The following IPO7 variants were observed in gnomAD, a reference collection of about 807,000 sequenced individuals.
The protein encoded by IPO7 is importin 7, also known as importin-7.
Under a neutral mutation model 136.4 loss-of-function variants are expected in IPO7, and 13 were observed. That is an observed-to-expected ratio of 0.10 (90% CI 0.06 to 0.15). IPO7 has a LOEUF of 0.15. IPO7 is among the 10% of genes least tolerant of loss of function. IPO7 has a pLI of 1.00. For synonymous variants in IPO7, 403 were observed against 404.4 expected (o/e 1.00, Z 0.04); for missense variants, 857 against 1,240.6 (o/e 0.69, Z 4.65).
Position 9,440,561 on chromosome 11 carries a change from A to C in IPO7, c.2802A>C (p.Glu934Asp). 6.2e-7 allele frequency: 1 copy of C among 1,614,044 alleles called. No homozygotes were observed. Among genetic ancestry groups the C allele is most frequent in the Non-Finnish European group, 8.5e-7 (1 of 1,179,914 alleles). The stretch of plus-strand genomic sequence containing the variant: ...ATGGAGATGATGAAGATTGGGAAGA[A>C]GATGATGCTGAAGAGACTGCTCTGG... ...GEDGDDEDWE[E>D]DDAEETALEG... Residue 934 changes from glutamate to aspartate, a missense_variant, in exon 23 of 25, where the codon GAA becomes GAC. Physicochemically the swap from Glu to Asp is conservative, Grantham distance 45. Around this residue, in one of 11 missense-constraint regions of IPO7, gnomAD observed 119 missense variants for 155.5 expected, o/e 0.77. Coordinates refer to ENST00000379719, the MANE Select transcript of IPO7 (RefSeq NM_006391.3).
At chr11:9,404,690 T>C (rs1473490414) in intron 2 of IPO7, among the ~76,000 whole-genome samples, 2 of 149,234 alleles carry the variant, frequency 1.3e-5, no homozygotes, top group African/African-American at 2.5e-5. Context: ...CTCAGCCTCC[T>C]GAGTAGCTGG....
At chr11:9,424,847 G>C in intron 10 of IPO7, 67 bp from the exon 11 acceptor site, 1 of 999,586 alleles carries the variant, frequency 1.0e-6, no homozygotes, top group Non-Finnish European at 1.6e-6. Flanking sequence ...TAAAGATTAA[G>C]CATGTTTTTT....
chr11:9,407,159 G>A (rs1032620350), intron 2 of IPO7, among the ~76,000 whole-genome samples: 3 of 152,240 alleles, frequency 2.0e-5, no homozygotes, highest in African/African-American at 7.2e-5. Context: ...TGGGACTGTT[G>A]TGTGGTCTTA....
At chr11:9,408,703 G>GGT in intron 3 of IPO7, 64 bp downstream of exon 3, 2 of 411,318 alleles carry the variant, frequency 4.9e-6, no homozygotes, top group Non-Finnish European at 7.0e-6. Context: ...TTTGTTTTTT[G>GGT]GTTTTTTTTT....
chr11:9,398,886 G>C (rs1049840073), intron 1 of IPO7, among the ~76,000 whole-genome samples: 10 of 152,168 alleles, frequency 6.6e-5, no homozygotes, highest in African/African-American at 2.4e-4. Flanking sequence ...CTTGTTGAAA[G>C]AACCTAAAGG....
intron 1 of IPO7, 31 bp downstream of exon 1, chr11:9,384,878 G>T: frequency 6.5e-7 from 1 of 1,548,246 alleles, no homozygotes; most frequent in Non-Finnish European, 8.8e-7. Context: ...GTGGCGGCGG[G>T]CAGGCGGGTG....
chr11:9,424,848 C>G (rs1394688623), intron 10 of IPO7, 66 bp from the exon 11 acceptor site: 2 of 1,006,378 alleles, frequency 2.0e-6, no homozygotes, highest in Non-Finnish European at 3.1e-6. Context: ...AAAGATTAAG[C>G]ATGTTTTTTA....
intron 1 of IPO7, among the ~76,000 whole-genome samples, chr11:9,386,367 A>G (rs749122437): frequency 8.5e-5 from 13 of 152,176 alleles, no homozygotes; most frequent in Non-Finnish European, 1.9e-4. Flanking sequence ...CCATTACCAA[A>G]CTATGGAAGG....
At position 9,414,520 on chromosome 11, in the gene IPO7, A is replaced by C. The variant is rs534069607; in HGVS notation, c.636+109A>C. ...TGAATAATAGTTAACTTGAAAATCT[A>C]CATTAAGTGGATGATTTTCTAGCAA... On this transcript the variant is annotated intron_variant, in intron 5 of 24. Coordinates refer to ENST00000379719, the MANE Select transcript of IPO7 (RefSeq NM_006391.3). The C allele has an allele frequency of 1.3e-4, 87 of 672,564 alleles. No homozygotes were observed. The African/African-American group carries it at 1.5e-3, about 12-fold the overall frequency. The allele number at this position is 672,564 out of a possible 1,614,324, so 41.7% of individuals were successfully genotyped here.
intron 20 of IPO7, among the ~76,000 whole-genome samples, chr11:9,436,701 G>A (rs1201001293): frequency 6.8e-6 from 1 of 147,816 alleles, no homozygotes; most frequent in Non-Finnish European, 1.5e-5. Context: ...TGTTTTTTTT[G>A]AGTGAGAGTC....
intron 4 of IPO7, 66 bp downstream of exon 4, chr11:9,410,152 A>T (rs1176163227): frequency 9.3e-7 from 1 of 1,074,974 alleles, no homozygotes; most frequent in Non-Finnish European, 1.3e-6. Flanking sequence ...ATTTAAGCCA[A>T]TTTGAACATG....
chr11:9,415,564 C>CGTGAT (rs1054307726), intron 5 of IPO7, among the ~76,000 whole-genome samples: 14 of 152,032 alleles, frequency 9.2e-5, no homozygotes, highest in African/African-American at 3.4e-4. Flanking sequence ...TGGGGCCGGG[C>CGTGAT]GTGATGGCTC....
chr11:9,444,284 A>T (rs868207745), intron 24 of IPO7, among the ~76,000 whole-genome samples: 3 of 92,888 alleles, frequency 3.2e-5, no homozygotes, highest in East Asian at 4.9e-4. Context: ...TCTCTAAAAA[A>T]AAAAATAAAC....
intron 15 of IPO7, 65 bp downstream of exon 15, chr11:9,429,899 G>A: frequency 1.7e-6 from 2 of 1,204,024 alleles, no homozygotes; most frequent in Non-Finnish European, 2.3e-6. Flanking sequence ...GTTCCAGGTT[G>A]TGTCACCAGT....
At chr11:9,419,560 ATATATATAT>A (rs1161082977) in intron 6 of IPO7, among the ~76,000 whole-genome samples, 5 of 81,752 alleles carry the variant, frequency 6.1e-5, no homozygotes, top group Admixed American at 1.2e-4. Flanking sequence ...AAAAAAAAAA[ATATATATAT>A]ATATATATAT....
intron 16 of IPO7, among the ~76,000 whole-genome samples, chr11:9,431,954 G>A (rs1397711564): frequency 1.3e-5 from 2 of 152,074 alleles, no homozygotes; most frequent in African/African-American, 2.4e-5. Context: ...CAGCCTGGGC[G>A]ACAGAGTGAG....
chr11:9,408,747 CTG>C, intron 3 of IPO7, 108 bp downstream of exon 3: 1 of 707,382 alleles, frequency 1.4e-6, no homozygotes, highest in Non-Finnish European at 2.0e-6. Flanking sequence ...GACTTTCCCT[CTG>C]TGGCCAGGCT....
intron 1 of IPO7, among the ~76,000 whole-genome samples, chr11:9,402,427 A>G (rs1854812838): frequency 1.5e-5 from 2 of 134,348 alleles, no homozygotes; most frequent in East Asian, 4.1e-4. Flanking sequence ...AAAAAAAAAA[A>G]GAATGCTAGT....
chr11:9,394,325 TGA>T (rs1854679787), intron 1 of IPO7, among the ~76,000 whole-genome samples: 1 of 152,176 alleles, frequency 6.6e-6, no homozygotes, highest in South Asian at 2.1e-4. Flanking sequence ...TTCGTTGATG[TGA>T]GAGTGTGCGT....
Sources: gnomAD v4.1 joint callset for allele counts (sites outside exome capture counted in the v4.1 genomes callset) on GRCh38, gnomAD v4.1.1 for gene constraint, gnomAD v4.1.1 regional missense constraint, MANE v1.5 for transcripts, NCBI Gene and HGNC (gene_info 2026-07-23, HGNC 2026-07-21) for gene names.